Variants in FHOD3 observed in about 807,000 individuals in gnomAD.
FHOD3 encodes the protein formin homology 2 domain containing 3.
A neutral mutation model predicts 173.0 loss-of-function variants in FHOD3; 90 were observed. That is an observed-to-expected ratio of 0.52 (90% CI 0.44 to 0.62). The LOEUF is 0.62. Among genes scored for constraint, FHOD3 ranks in the 20% least tolerant of loss-of-function variants. The probability of loss-of-function intolerance (pLI) is 0.00; values close to 1 mark genes in which losing one functional copy is unlikely to be tolerated. For missense variants in FHOD3, 1,945 were observed against 2,034.7 expected (o/e 0.96, Z 0.85); for synonymous variants, 828 against 823.0 (o/e 1.01, Z -0.10).
In FHOD3 at chr18:36,760,637, G is replaced by A. The variant is rs61565901; in HGVS notation, c.4479G>A (p.Ala1493=). 6.2e-4 allele frequency: 988 copies of A among 1,586,656 alleles called. 5 individuals carry two copies. The African/African-American group carries it at 0.011, about 18-fold the overall frequency. ...ESGKFSGSSP[A]PPSQPQGLSY... ...GCAAGTTCTCCGGCAGTTCTCCGGC[G>A]CCCCCAAGCCAGCCGCAGGGTCTGA... is the stretch of plus-strand genomic sequence containing the variant. Residue 1493 remains alanine (A), a synonymous_variant, in exon 27 of 29, where the codon GCG becomes GCA. Transcript: ENST00000590592.
At position 36,402,506 on chromosome 18, in the gene FHOD3, TACACACACACACAC is replaced by T. The variant is rs146120105; in HGVS notation, c.337+29788_337+29801del. ...AGTGATATATAATGTGATGCAATTA[TACACACACACACAC>T]ACACACACACACACACACACACACA... On this transcript the variant is annotated intron_variant, in intron 3 of 28. Transcript: ENST00000590592. Among the ~76,000 whole-genome samples, 221 of 143,992 alleles carry T rather than the reference TACACACACACACAC, an allele frequency of 1.5e-3. 2 individuals carry two copies. Among genetic ancestry groups the T allele is most frequent in the African/African-American group, 5.5e-3 (211 of 38,694 alleles). 94.5% of individuals were successfully genotyped at this position (143,992 alleles called of 152,430 possible).
chr18:36,625,684 C>A lies in FHOD3; in HGVS notation c.1131C>A (p.Pro377=). The part of the protein sequence containing the change: ...VQSIKSTLSA[P]TSPCSQSAPS... ...GCATCAAGAGCACCCTGTCGGCCCC[C>A]ACCAGTCCCTGCTCCCAGTCAGCTC... Residue 377 remains proline, a synonymous_variant, in exon 10 of 29, where the codon CCC becomes CCA. Coordinates refer to ENST00000590592, the MANE Select transcript of FHOD3 (RefSeq NM_001281740.3). The A allele has an allele frequency of 1.9e-6, 3 of 1,611,570 alleles. No homozygotes were observed. Among genetic ancestry groups the A allele is most frequent in the Non-Finnish European group, 2.5e-6 (3 of 1,178,614 alleles).
At position 36,333,080 on chromosome 18, in the gene FHOD3, C is replaced by T. The variant is rs1483492643; in HGVS notation, c.166-22459C>T. On this transcript the variant is annotated intron_variant, in intron 1 of 28. Transcript: ENST00000590592. ...ATCTGTCTCCCACACTGCCCTTAGC[C>T]AATGGCAGCCTCAAACTTACACTGC... is the stretch of plus-strand genomic sequence containing the variant. 3.3e-5 allele frequency among the ~76,000 whole-genome samples: 5 copies of T among 152,228 alleles called. No homozygotes were observed. The South Asian group carries it at 8.3e-4, about 25-fold the overall frequency.
At position 36,715,174 on chromosome 18, in the gene FHOD3, C is replaced by T. The variant is rs141959205; in HGVS notation, c.2534-2658C>T. On this transcript the variant is annotated intron_variant, in intron 18 of 28. Transcript: ENST00000590592. The stretch of plus-strand genomic sequence containing the variant: ...AAATCTCATCTTGAATTATAGTTCC[C>T]ATAATCCCCACAGGTCATGGGAGGG... Among the ~76,000 whole-genome samples, 815 of 152,312 alleles carry T rather than the reference C, an allele frequency of 5.4e-3. 3 individuals carry two copies. Among genetic ancestry groups the T allele is most frequent in the African/African-American group, 0.019 (782 of 41,568 alleles).
intron 17 of FHOD3, among the ~76,000 whole-genome samples, chr18:36,707,718 T>C (rs1392652753): frequency 1.3e-5 from 2 of 152,112 alleles, no homozygotes; most frequent in African/African-American, 4.8e-5. Context: ...GTGCACCCCA[T>C]GGCCAGCCGT....
intron 24 of FHOD3, among the ~76,000 whole-genome samples, chr18:36,750,529 CT>C (rs2042359201): frequency 6.6e-6 from 1 of 152,138 alleles, no homozygotes; most frequent in Non-Finnish European, 1.5e-5. Context: ...ATTGTGATTG[CT>C]TTTGGTAAAT....
At position 36,617,610 on chromosome 18, in the gene FHOD3, T is replaced by TGTGTGTGCGC. The variant is rs1555783665; in HGVS notation, c.957+5522_957+5523insCGCGTGTGTG. ...GTGTGTGTGTGTGTGTGTGTGTGTG[T>TGTGTGTGCGC]GTGTGTGTGCAATAGTTAAGATGTT... On this transcript the variant is annotated intron_variant, in intron 9 of 28. Transcript: ENST00000590592. Among the ~76,000 whole-genome samples, 56 of 146,122 alleles carry TGTGTGTGCGC rather than the reference T, an allele frequency of 3.8e-4. 1 individual carries two copies. The highest frequency in any genetic ancestry group is 1.1e-3 in the African/African-American group (43 of 39,768).
chr18:36,302,115 C>T lies in FHOD3; in HGVS notation c.165+4115C>T, dbSNP rs573805700. 5.3e-5 allele frequency among the ~76,000 whole-genome samples: 8 copies of T among 152,340 alleles called. No homozygotes were observed. The East Asian group carries it at 1.5e-3, about 29-fold the overall frequency. ...GAAGTTCCGAGTTGGCATGTGACAG[C>T]AGGTCTAAGCTCTTAAGGACTCCAC... On this transcript the variant is annotated intron_variant, in intron 1 of 28. Coordinates refer to ENST00000590592, the MANE Select transcript of FHOD3 (RefSeq NM_001281740.3).
chr18:36,317,914 G>C (rs1373090308), intron 1 of FHOD3, among the ~76,000 whole-genome samples: 2 of 152,166 alleles, frequency 1.3e-5, no homozygotes, highest in African/African-American at 4.8e-5. Context: ...TAAGGTATAA[G>C]GAAGGGATCC....
At chr18:36,368,345 T>G (rs1329626841) in intron 2 of FHOD3, among the ~76,000 whole-genome samples, 1 of 152,162 alleles carries the variant, frequency 6.6e-6, no homozygotes, top group Non-Finnish European at 1.5e-5. Flanking sequence ...GATGCAAATC[T>G]TGAGAGGTTG....
At chr18:36,363,504 G>A (rs1345687167) in intron 2 of FHOD3, among the ~76,000 whole-genome samples, 1 of 152,178 alleles carries the variant, frequency 6.6e-6, no homozygotes, top group Non-Finnish European at 1.5e-5. Flanking sequence ...AAGACATGGG[G>A]GAACCTTAAA....
At chr18:36,516,166 C>G (rs2055963144) in intron 5 of FHOD3, among the ~76,000 whole-genome samples, 1 of 152,052 alleles carries the variant, frequency 6.6e-6, no homozygotes, top group South Asian at 2.1e-4. Flanking sequence ...CATTTGCGAT[C>G]AAGAACAACC....
intron 5 of FHOD3, among the ~76,000 whole-genome samples, chr18:36,566,869 A>G (rs2058283060): frequency 6.6e-6 from 1 of 151,670 alleles, no homozygotes; most frequent in Non-Finnish European, 1.5e-5. Flanking sequence ...ACCTACAGGA[A>G]AAAAAAAATT....
At chr18:36,360,063 C>G (rs888507630) in intron 2 of FHOD3, among the ~76,000 whole-genome samples, 2 of 152,214 alleles carry the variant, frequency 1.3e-5, no homozygotes, top group African/African-American at 4.8e-5. Flanking sequence ...GCCAGAACCT[C>G]CACTCTTTTG....
At chr18:36,371,350 C>T (rs1259384482) in intron 2 of FHOD3, among the ~76,000 whole-genome samples, 2 of 152,314 alleles carry the variant, frequency 1.3e-5, no homozygotes, top group South Asian at 4.2e-4. Context: ...CTCACAGTTC[C>T]TCATTGCTGG....
intron 6 of FHOD3, among the ~76,000 whole-genome samples, chr18:36,590,972 G>A (rs1054525739): frequency 6.6e-6 from 1 of 152,188 alleles, no homozygotes; most frequent in South Asian, 2.1e-4. Flanking sequence ...GGGGGAGTGG[G>A]TTGGGCAGCA....
chr18:36,657,272 G>A (rs2036489628), intron 13 of FHOD3, among the ~76,000 whole-genome samples: 1 of 152,204 alleles, frequency 6.6e-6, no homozygotes, highest in South Asian at 2.1e-4. Context: ...CTCATTATTT[G>A]TAAGTAATCC....
At chr18:36,485,536 C>T (rs898866755) in intron 3 of FHOD3, among the ~76,000 whole-genome samples, 7 of 152,204 alleles carry the variant, frequency 4.6e-5, no homozygotes, top group Non-Finnish European at 8.8e-5. Flanking sequence ...GCAGTTTTCT[C>T]TGTGAACTGA....
chr18:36,414,335 T>C (rs560726186), intron 3 of FHOD3, among the ~76,000 whole-genome samples: 2 of 152,326 alleles, frequency 1.3e-5, no homozygotes, highest in East Asian at 3.9e-4. Context: ...AAAGTTGAGA[T>C]TGAAAACCAA....
Sources: gnomAD v4.1 joint callset for allele counts (sites outside exome capture counted in the v4.1 genomes callset) on GRCh38, gnomAD v4.1.1 for gene constraint, MANE v1.5 for transcripts, NCBI Gene and HGNC (gene_info 2026-07-23, HGNC 2026-07-21) for gene names.